Variants in KBTBD12 observed in about 807,000 individuals in gnomAD.
The protein encoded by KBTBD12 is kelch repeat and BTB domain containing 12.
A neutral mutation model predicts 58.7 loss-of-function variants in KBTBD12; 53 were observed. The observed-to-expected ratio is 0.90, with a 90% CI of 0.72 to 1.14. KBTBD12 has a LOEUF of 1.14. Among genes scored for constraint, KBTBD12 ranks in the 50% most tolerant of loss-of-function variants. The probability of loss-of-function intolerance (pLI) is 0.00; values close to 1 mark genes in which losing one functional copy is unlikely to be tolerated. For synonymous variants in KBTBD12, 236 were observed against 259.8 expected (o/e 0.91, Z 0.88); for missense variants, 704 against 751.3 (o/e 0.94, Z 0.74).
chr3:127,959,120 C>G (rs1270931665), intron 4 of KBTBD12, among the ~76,000 whole-genome samples: 1 of 152,172 alleles, frequency 6.6e-6, no homozygotes, highest in Non-Finnish European at 1.5e-5. Context: ...GGAAAAAAAT[C>G]AGAGAGCTGA....
chr3:127,917,149 G>A (rs1338955727), intron 1 of KBTBD12, among the ~76,000 whole-genome samples: 1 of 152,150 alleles, frequency 6.6e-6, no homozygotes, highest in African/African-American at 2.4e-5. Context: ...TGGAGACAGC[G>A]TCAGATCCCA....
intron 2 of KBTBD12, among the ~76,000 whole-genome samples, chr3:127,927,512 T>C (rs1384588536): frequency 6.6e-6 from 1 of 152,182 alleles, no homozygotes. Context: ...GGAAAATCTA[T>C]ACTTTTTCTC....
chr3:127,955,057 C>T (rs916127166), intron 4 of KBTBD12, among the ~76,000 whole-genome samples: 4 of 152,184 alleles, frequency 2.6e-5, no homozygotes, highest in Admixed American at 1.3e-4. Flanking sequence ...CCTGGCTTTA[C>T]GTTATAGATG....
At chr3:127,932,788 A>G (rs147991187) in intron 4 of KBTBD12, among the ~76,000 whole-genome samples, 5 of 152,278 alleles carry the variant, frequency 3.3e-5, no homozygotes, top group African/African-American at 1.2e-4. Flanking sequence ...AATTCCTACA[A>G]TGTAAGTGTT....
chr3:127,962,436 A>G (rs1391090259), intron 4 of KBTBD12, among the ~76,000 whole-genome samples: 1 of 152,162 alleles, frequency 6.6e-6, no homozygotes, highest in Non-Finnish European at 1.5e-5. Context: ...GGACTTCTAA[A>G]TCTCACTTTT....
intron 5 of KBTBD12, among the ~76,000 whole-genome samples, chr3:127,978,706 T>A (rs552028879): frequency 6.6e-6 from 1 of 152,314 alleles, no homozygotes; most frequent in South Asian, 2.1e-4. Context: ...TGGCCCCCTT[T>A]TCTCTGACCA....
At chr3:127,976,301 C>T (rs1940781455) in intron 5 of KBTBD12, among the ~76,000 whole-genome samples, 1 of 152,108 alleles carries the variant, frequency 6.6e-6, no homozygotes, top group Admixed American at 6.6e-5. Flanking sequence ...CTCTCCATGC[C>T]AGTCTAAGAT....
At chr3:127,968,556 C>G (rs1204112961) in intron 5 of KBTBD12, among the ~76,000 whole-genome samples, 1 of 152,152 alleles carries the variant, frequency 6.6e-6, no homozygotes, top group East Asian at 1.9e-4. Flanking sequence ...AAGAATTATA[C>G]ACCGTGTTCG....
chr3:127,934,222 C>T (rs1360579256), intron 4 of KBTBD12, among the ~76,000 whole-genome samples: 1 of 152,042 alleles, frequency 6.6e-6, no homozygotes, highest in Non-Finnish European at 1.5e-5. Flanking sequence ...AAAATATGAC[C>T]ATGAGTCCAC....
chr3:127,981,561 T>G (rs1940871370), intron 5 of KBTBD12, among the ~76,000 whole-genome samples: 1 of 152,202 alleles, frequency 6.6e-6, no homozygotes, highest in African/African-American at 2.4e-5. Context: ...AGGAAAGAAA[T>G]TCTGTAATCC....
intron 4 of KBTBD12, among the ~76,000 whole-genome samples, chr3:127,942,948 A>C (rs528717691): frequency 6.6e-6 from 1 of 152,264 alleles, no homozygotes; most frequent in East Asian, 1.9e-4. Flanking sequence ...TTATAACAAC[A>C]GACTCTTGCA....
intron 4 of KBTBD12, among the ~76,000 whole-genome samples, chr3:127,956,573 T>G (rs1940325188): frequency 1.3e-5 from 2 of 152,058 alleles, no homozygotes; most frequent in African/African-American, 4.8e-5. Context: ...GTTTAAAATG[T>G]GTTTGATTCT....
chr3:127,953,889 C>T (rs887804204), intron 4 of KBTBD12, among the ~76,000 whole-genome samples: 1 of 152,120 alleles, frequency 6.6e-6, no homozygotes, highest in Non-Finnish European at 1.5e-5. Flanking sequence ...GGATAACTTC[C>T]TAGAAAGCCT....
intron 5 of KBTBD12, among the ~76,000 whole-genome samples, chr3:127,967,636 A>G (rs1346891632): frequency 6.6e-6 from 1 of 152,212 alleles, no homozygotes; most frequent in Non-Finnish European, 1.5e-5. Flanking sequence ...GAGTGGAGAG[A>G]GAAGCAGTGA....
intron 5 of KBTBD12, chr3:127,963,749 T>C (rs2107610574): frequency 5.9e-6 from 1 of 169,170 alleles, no homozygotes; most frequent in South Asian, 1.8e-4. Context: ...AGACACTCAC[T>C]ATATAGTAGT....
chr3:127,928,815 G>A (rs1274170439), intron 3 of KBTBD12, among the ~76,000 whole-genome samples: 1 of 152,160 alleles, frequency 6.6e-6, no homozygotes, highest in African/African-American at 2.4e-5. Context: ...GTTTCTCCAA[G>A]TTTTCTTCAT....
At chr3:127,943,424 T>C (rs1486644528) in intron 4 of KBTBD12, among the ~76,000 whole-genome samples, 1 of 152,148 alleles carries the variant, frequency 6.6e-6, no homozygotes, top group Non-Finnish European at 1.5e-5. Context: ...TATTGATTAG[T>C]GATGTTGAGT....
At chr3:127,941,677 C>G (rs956946212) in intron 4 of KBTBD12, among the ~76,000 whole-genome samples, 3 of 152,188 alleles carry the variant, frequency 2.0e-5, no homozygotes, top group Non-Finnish European at 2.9e-5. Flanking sequence ...ACCTCCATCT[C>G]CCAGACGGAA....
At chr3:127,929,870 T>C (rs1272922862) in intron 3 of KBTBD12, among the ~76,000 whole-genome samples, 1 of 151,340 alleles carries the variant, frequency 6.6e-6, no homozygotes. Flanking sequence ...AAAAAAAAGC[T>C]GTAATGAATG....
Sources: gnomAD v4.1 joint callset for allele counts (sites outside exome capture counted in the v4.1 genomes callset) on GRCh38, gnomAD v4.1.1 for gene constraint, MANE v1.5 for transcripts, NCBI Gene and HGNC (gene_info 2026-07-23, HGNC 2026-07-21) for gene names.